Variants in OPA3 observed in about 807,000 individuals in gnomAD.
The protein encoded by OPA3 is outer mitochondrial membrane lipid metabolism regulator OPA3.
A neutral mutation model predicts 4.0 loss-of-function variants in OPA3; 6 were observed. The ratio of observed to expected loss-of-function variants is 1.51; its 90% CI spans 0.83 to 2.99. The LOEUF (loss-of-function observed/expected upper bound fraction) is 2.99, where lower values mean the gene tolerates loss of function less well. OPA3 is among the 30% of genes most tolerant of loss of function. The pLI is 0.00. For synonymous variants in OPA3, 105 were observed against 117.1 expected (o/e 0.90, Z 0.67); for missense variants, 235 against 256.2 (o/e 0.92, Z 0.56).
chr19:45,531,776 T>C (rs1223212104), intron 1 of OPA3, among the ~76,000 whole-genome samples: 1 of 152,198 alleles, frequency 6.6e-6, no homozygotes, highest in Non-Finnish European at 1.5e-5. Flanking sequence ...GCAGAGGGGC[T>C]TGTTGTCATC....
chr19:45,532,729 T>G (rs959998275), intron 1 of OPA3, among the ~76,000 whole-genome samples: 1 of 152,148 alleles, frequency 6.6e-6, no homozygotes, highest in Non-Finnish European at 1.5e-5. Context: ...CCATTCGGCT[T>G]TAAAATTATT....
chr19:45,527,744 C>T (rs1969008279), exon 2 of OPA3: 1 of 152,156 alleles, frequency 6.6e-6, no homozygotes, highest in African/African-American at 2.4e-5. Context: ...TGCAGACGCA[C>T]ATTATGGTTC....
At chr19:45,528,451 T>TC in exon 2 of OPA3, 1 of 153,340 alleles carries the variant, frequency 6.5e-6, no homozygotes, top group Middle Eastern at 3.3e-3. Context: ...GGGTGGTGAC[T>TC]CATTGGAGCT....
At chr19:45,539,443 A>C (rs1264522244) in intron 1 of OPA3, among the ~76,000 whole-genome samples, 1 of 152,042 alleles carries the variant, frequency 6.6e-6, no homozygotes, top group African/African-American at 2.4e-5. Flanking sequence ...ACATCACAAA[A>C]AAGTTTTAAT....
At chr19:45,573,967 A>T (rs748429590) in intron 1 of OPA3, among the ~76,000 whole-genome samples, 40 of 152,048 alleles carry the variant, frequency 2.6e-4, no homozygotes, top group African/African-American at 8.7e-4. Flanking sequence ...GTTGGAGACC[A>T]GCCTGACCAA....
At chr19:45,569,740 G>A (rs1373286402) in intron 1 of OPA3, among the ~76,000 whole-genome samples, 1 of 151,746 alleles carries the variant, frequency 6.6e-6, no homozygotes, top group South Asian at 2.1e-4. Context: ...ATACACACAC[G>A]CATAGACTTC....
At chr19:45,529,090 G>A (rs1359750856) in exon 2 of OPA3, 1 of 1,600,796 alleles carries the variant, frequency 6.2e-7, no homozygotes, top group Non-Finnish European at 8.5e-7. Flanking sequence ...TGGGGGTGCA[G>A]GCGGCGGGTC....
chr19:45,543,112 C>A (rs551255284), downstream of OPA3, among the ~76,000 whole-genome samples: 52 of 148,276 alleles, frequency 3.5e-4, no homozygotes, highest in Middle Eastern at 4.3e-3. Flanking sequence ...CCAGCTCAAG[C>A]AACCCACCCA....
chr19:45,572,419 G>A (rs1050010911), intron 1 of OPA3, among the ~76,000 whole-genome samples: 7 of 116,168 alleles, frequency 6.0e-5, no homozygotes, highest in Non-Finnish European at 9.9e-5. Flanking sequence ...GATATATATC[G>A]ATATATATCA....
chr19:45,566,617 C>T (rs766417734), intron 1 of OPA3, among the ~76,000 whole-genome samples: 10 of 151,416 alleles, frequency 6.6e-5, no homozygotes, highest in Non-Finnish European at 1.2e-4. Flanking sequence ...ACTACAGGCA[C>T]GTGCCACCAT....
Position 45,548,534 on chromosome 19 carries a change from TG to T in OPA3, c.*4979del. The T allele has an allele frequency of 1.0e-6, 1 of 985,328 alleles. No individual in the cohort carries two copies. Among genetic ancestry groups the T allele is most frequent in the Non-Finnish European group, 1.2e-6 (1 of 829,918 alleles). 61.0% of individuals were successfully genotyped at this position (985,328 alleles called of 1,614,324 possible). A position where few individuals can be genotyped will look rare whatever the true frequency, so the allele number is the denominator to read the frequency against. On this transcript the variant is annotated 3_prime_UTR_variant, in exon 2 of 2. Coordinates refer to ENST00000263275, the MANE Select transcript of OPA3 (RefSeq NM_025136.4). ...GGGGCAGGGAACACTGGAAAAGAAA[TG>T]TACGTGTGAGCATCTGTAAGACCCG...
rs143143527 is a variant in OPA3, at chr19:45,579,741, AAAT to A, written c.142+4879_142+4881del. On this transcript the variant is annotated intron_variant, in intron 1 of 1. Coordinates refer to ENST00000263275, the MANE Select transcript of OPA3 (RefSeq NM_025136.4). Reference sequence around the variant, plus strand: ...ATAATGCATACATAGTATATACACAAAATAATAATAATAATAATAATAGTATCT... The same window carrying A: ...ATAATGCATACATAGTATATACACAAAATAATAATAATAATAATAGTATCT... Among the ~76,000 whole-genome samples the A allele has an allele frequency of 6.6e-5, 10 of 151,652 alleles. No individual in the cohort carries two copies. The East Asian group carries it at 7.7e-4, about 12-fold the overall frequency.
chr19:45,574,289 G>A (rs1216162912), intron 1 of OPA3, among the ~76,000 whole-genome samples: 1 of 151,936 alleles, frequency 6.6e-6, no homozygotes, highest in Admixed American at 6.6e-5. Flanking sequence ...CAGCTACTCG[G>A]GAGGCTGAGA....
chr19:45,580,624 T>TTATC (rs1969840574), intron 1 of OPA3, among the ~76,000 whole-genome samples: 1 of 148,968 alleles, frequency 6.7e-6, no homozygotes, highest in Non-Finnish European at 1.5e-5. Context: ...ATTTATTTAT[T>TTATC]TATTTATTTA....
intron 1 of OPA3, 103 bp downstream of exon 1, chr19:45,584,520 T>A: frequency 6.4e-7 from 1 of 1,567,030 alleles, no homozygotes; most frequent in East Asian, 2.4e-5. Flanking sequence ...ACTTTGCCGG[T>A]TCGGGCTGTG....
intron 1 of OPA3, among the ~76,000 whole-genome samples, chr19:45,580,292 C>T (rs1396498114): frequency 5.1e-5 from 7 of 137,806 alleles, no homozygotes; most frequent in Non-Finnish European, 9.1e-5. Flanking sequence ...CTGCACCCGG[C>T]CTTTTTTTTT....
intron 1 of OPA3, among the ~76,000 whole-genome samples, chr19:45,566,799 A>T (rs12985607): frequency 1.3e-5 from 2 of 151,904 alleles, no homozygotes; most frequent in Non-Finnish European, 2.9e-5. Context: ...AAAATTAAAT[A>T]TAACCTTACC....
chr19:45,567,647 A>G (rs1969603566), intron 1 of OPA3, among the ~76,000 whole-genome samples: 1 of 152,168 alleles, frequency 6.6e-6, no homozygotes, highest in African/African-American at 2.4e-5. Flanking sequence ...CTTGCATTGT[A>G]CAGATACTAT....
chr19:45,571,292 C>A (rs1417171948), intron 1 of OPA3, among the ~76,000 whole-genome samples: 1 of 148,610 alleles, frequency 6.7e-6, no homozygotes, highest in Non-Finnish European at 1.5e-5. Context: ...TACAGGCATG[C>A]GCCACCATGC....
Sources: allele counts gnomAD v4.1 joint callset (sites outside exome capture counted in the v4.1 genomes callset), GRCh38; gene constraint gnomAD v4.1.1; transcripts MANE v1.5; gene names NCBI Gene and HGNC (gene_info 2026-07-23, HGNC 2026-07-21).